EPB41L3: variants seen among roughly 807,000 people sequenced by gnomAD.
EPB41L3 encodes the protein erythrocyte membrane protein band 4.1 like 3, also known as band 4.1-like protein 3.
In EPB41L3, 57 loss-of-function variants were observed where a neutral mutation model predicts 127.1. The observed-to-expected ratio is 0.45, with a 90% CI of 0.36 to 0.56. The LOEUF is 0.56. Among genes scored for constraint, EPB41L3 ranks in the 20% least tolerant of loss-of-function variants. The pLI is 0.00. For missense variants in EPB41L3, 1,273 were observed against 1,372.2 expected, an observed-to-expected ratio of 0.93 and a Z score of 1.14; for synonymous variants, 572 against 549.5, an observed-to-expected ratio of 1.04 and a Z score of -0.57.
chr18:5,511,868 G>C (rs192221160), intron 1 of EPB41L3, among the ~76,000 whole-genome samples: 1 of 152,332 alleles, frequency 6.6e-6, no homozygotes, highest in Non-Finnish European at 1.5e-5. Context: ...GAACCACCTG[G>C]ATGGAGATTA....
At chr18:5,437,987 A>G (rs1165660658) in intron 6 of EPB41L3, 48 bp downstream of exon 6, 1 of 1,561,398 alleles carries the variant, frequency 6.4e-7, no homozygotes, top group Admixed American at 1.7e-5. Flanking sequence ...TAAGAGAAGC[A>G]CAACTCTCCC....
rs397969769 is a variant in EPB41L3, at chr18:5,508,766, CAAAAAAAAAA to C, written c.-11-19582_-11-19573del. 7.5e-3 allele frequency among the ~76,000 whole-genome samples: 393 copies of C among 52,602 alleles called. 4 individuals carry two copies. Among genetic ancestry groups the C allele is most frequent in the African/African-American group, 0.023 (378 of 16,364 alleles). 34.5% of individuals were successfully genotyped at this position (52,602 alleles called of 152,430 possible). A position where few individuals can be genotyped will look rare whatever the true frequency, so the allele number is the denominator to read the frequency against. ...TGGGCAAGAGAGCGAGACTCCATCTCAAAAAAAAAAAAAAAAAAAAAAGAATCTAGTAAGA... is the reference window on the plus strand; with the variant it reads ...TGGGCAAGAGAGCGAGACTCCATCTCAAAAAAAAAAAAGAATCTAGTAAGA... On this transcript the variant is annotated intron_variant, in intron 1 of 22. Coordinates refer to ENST00000341928, the MANE Select transcript of EPB41L3 (RefSeq NM_012307.5).
At chr18:5,511,253 A>C (rs1367922806) in intron 1 of EPB41L3, among the ~76,000 whole-genome samples, 1 of 151,908 alleles carries the variant, frequency 6.6e-6, no homozygotes, top group Non-Finnish European at 1.5e-5. Flanking sequence ...GGAGGAAAAA[A>C]CAAAGTACAT....
chr18:5,550,476 C>T (rs896713507), intron 3 of EPB41L3, among the ~76,000 whole-genome samples: 1 of 152,042 alleles, frequency 6.6e-6, no homozygotes, highest in East Asian at 1.9e-4. Context: ...CTTGATGAGC[C>T]CTATAAACTT....
chr18:5,490,510 T>C (rs912235380), intron 1 of EPB41L3, among the ~76,000 whole-genome samples: 2 of 152,192 alleles, frequency 1.3e-5, no homozygotes, highest in African/African-American at 2.4e-5. Context: ...TATTTAGGGT[T>C]ACTTTCACAA....
chr18:5,519,336 T>C (rs535740256), intron 1 of EPB41L3, among the ~76,000 whole-genome samples: 1 of 152,320 alleles, frequency 6.6e-6, no homozygotes, highest in East Asian at 1.9e-4. Flanking sequence ...CTATACTCCT[T>C]GTCCTTCAGT....
At chr18:5,487,439 C>T (rs141011004) in intron 2 of EPB41L3, among the ~76,000 whole-genome samples, 36 of 149,818 alleles carry the variant, frequency 2.4e-4, no homozygotes, top group African/African-American at 8.8e-4. Context: ...TACTTATTAC[C>T]ACTGAACTGT....
At chr18:5,473,722 G>A (rs1248969803) in intron 3 of EPB41L3, among the ~76,000 whole-genome samples, 1 of 152,066 alleles carries the variant, frequency 6.6e-6, no homozygotes, top group East Asian at 1.9e-4. Flanking sequence ...TGTAGTTTGA[G>A]AAATAAGCAT....
intron 3 of EPB41L3, among the ~76,000 whole-genome samples, chr18:5,560,723 G>C (rs1381681353): frequency 6.6e-6 from 1 of 152,066 alleles, no homozygotes; most frequent in Non-Finnish European, 1.5e-5. Context: ...GTATTGTTAT[G>C]TGACTGGAAT....
chr18:5,540,400 G>A, intron 1 of EPB41L3: 9 of 985,410 alleles, frequency 9.1e-6, no homozygotes, highest in Non-Finnish European at 1.1e-5. Flanking sequence ...AAGTTTTAAA[G>A]CCAGCAAGAT....
chr18:5,472,494 TA>T (rs1343090794), intron 3 of EPB41L3, among the ~76,000 whole-genome samples: 1 of 152,210 alleles, frequency 6.6e-6, no homozygotes, highest in African/African-American at 2.4e-5. Flanking sequence ...TGTTATAGGT[TA>T]AACTGGAAAC....
chr18:5,513,698 G>T (rs1257495815), intron 1 of EPB41L3, among the ~76,000 whole-genome samples: 1 of 152,148 alleles, frequency 6.6e-6, no homozygotes, highest in African/African-American at 2.4e-5. Flanking sequence ...GCAAAATGGG[G>T]ATAGTTAACA....
intron 3 of EPB41L3, among the ~76,000 whole-genome samples, chr18:5,594,153 T>C (rs562603694): frequency 6.6e-6 from 1 of 152,212 alleles, no homozygotes; most frequent in Non-Finnish European, 1.5e-5. Context: ...TCACAATTTA[T>C]GTTTACAGAC....
upstream of EPB41L3, among the ~76,000 whole-genome samples, chr18:5,547,317 A>T (rs1357359288): frequency 2.6e-5 from 4 of 152,228 alleles, no homozygotes; most frequent in African/African-American, 9.6e-5. Context: ...TAAGTTATAG[A>T]AAAGTAGTTC....
At chr18:5,486,884 TA>T (rs1035424237) in intron 2 of EPB41L3, among the ~76,000 whole-genome samples, 14 of 152,192 alleles carry the variant, frequency 9.2e-5, no homozygotes, top group Non-Finnish European at 1.9e-4. Context: ...AGTGGAAATG[TA>T]AATTCATACA....
intron 3 of EPB41L3, among the ~76,000 whole-genome samples, chr18:5,561,327 T>C (rs1173596054): frequency 6.6e-6 from 1 of 152,118 alleles, no homozygotes; most frequent in Non-Finnish European, 1.5e-5. Context: ...TGGAGCATCC[T>C]TTTGGTGCCA....
intron 1 of EPB41L3, among the ~76,000 whole-genome samples, chr18:5,622,023 C>G (rs1169224932): frequency 6.6e-6 from 1 of 151,828 alleles, no homozygotes; most frequent in East Asian, 1.9e-4. Context: ...GTAGGATTAT[C>G]AGGTTTATCT....
chr18:5,410,922 C>A (rs1301974656), intron 13 of EPB41L3, among the ~76,000 whole-genome samples: 1 of 152,196 alleles, frequency 6.6e-6, no homozygotes, highest in Non-Finnish European at 1.5e-5. Flanking sequence ...CATCCCCACA[C>A]CCTTCCTCCA....
chr18:5,533,490 A>G (rs2093475303), intron 1 of EPB41L3, among the ~76,000 whole-genome samples: 1 of 152,206 alleles, frequency 6.6e-6, no homozygotes, highest in Non-Finnish European at 1.5e-5. Context: ...ACATAGCAAC[A>G]TTTGTAAAGA....
Sources: allele counts gnomAD v4.1 joint callset (sites outside exome capture counted in the v4.1 genomes callset), GRCh38; gene constraint gnomAD v4.1.1; transcripts MANE v1.5; gene names NCBI Gene and HGNC (gene_info 2026-07-23, HGNC 2026-07-21).